EPHA6: variants seen among roughly 807,000 people sequenced by gnomAD.
EPHA6 encodes the protein ephrin type-A receptor 6.
Under a neutral mutation model 112.0 loss-of-function variants are expected in EPHA6, and 50 were observed. The observed-to-expected ratio is 0.45, with a 90% CI of 0.36 to 0.56. EPHA6 has a LOEUF of 0.56. EPHA6 is among the 20% of genes least tolerant of loss of function. The probability of loss-of-function intolerance (pLI) is 0.00; values close to 1 mark genes in which losing one functional copy is unlikely to be tolerated. For missense variants in EPHA6, 1,280 were observed against 1,417.4 expected, an observed-to-expected ratio of 0.90 and a Z score of 1.56; for synonymous variants, 529 against 490.7, an observed-to-expected ratio of 1.08 and a Z score of -1.03.
chr3:96,826,319 C>G (rs1429421005), intron 1 of EPHA6, among the ~76,000 whole-genome samples: 3 of 151,934 alleles, frequency 2.0e-5, no homozygotes, highest in African/African-American at 7.2e-5. Context: ...ATAGACTGTA[C>G]TACACACATA....
chr3:96,825,069 T>C (rs2033557522), intron 1 of EPHA6, among the ~76,000 whole-genome samples: 1 of 151,984 alleles, frequency 6.6e-6, no homozygotes, highest in African/African-American at 2.4e-5. Context: ...TTTATCAGGA[T>C]TTATCATCAT....
At chr3:97,348,791 G>A (rs1041234123) in intron 5 of EPHA6, among the ~76,000 whole-genome samples, 6 of 152,040 alleles carry the variant, frequency 3.9e-5, no homozygotes, top group African/African-American at 1.2e-4. Context: ...TGGGAGCATA[G>A]ACAATTGGGA....
At chr3:97,707,839 T>C (rs948096830) in intron 14 of EPHA6, among the ~76,000 whole-genome samples, 2 of 152,144 alleles carry the variant, frequency 1.3e-5, no homozygotes, top group Non-Finnish European at 2.9e-5. Flanking sequence ...TGTTTGGCAG[T>C]TCCTCTCTCT....
chr3:97,410,952 A>G (rs1346627666), intron 6 of EPHA6, among the ~76,000 whole-genome samples: 3 of 152,078 alleles, frequency 2.0e-5, no homozygotes, highest in Non-Finnish European at 2.9e-5. Flanking sequence ...TAGGTGTTAC[A>G]TGACATCAGA....
At chr3:97,646,360 GAC>G in intron 14 of EPHA6, 1 of 1,253,768 alleles carries the variant, frequency 8.0e-7, no homozygotes, top group Non-Finnish European at 1.1e-6. Flanking sequence ...TAATATATAA[GAC>G]AGTATTGTCC....
Position 97,754,014 on chromosome 3 carries a change from T to A in EPHA6, c.*5313T>A, listed in dbSNP as rs2035962112. Among the ~76,000 whole-genome samples the A allele has an allele frequency of 6.6e-6, 1 of 152,010 alleles. No homozygotes were observed. The highest frequency in any genetic ancestry group is 1.5e-5 in the Non-Finnish European group (1 of 67,998). On this transcript the variant is annotated 3_prime_UTR_variant, in exon 18 of 18. Coordinates refer to ENST00000389672, the MANE Select transcript of EPHA6 (RefSeq NM_001080448.3). ...AATGTAGTTTTAACAAATCATCTTTTTCTGAGTAATAAATTAGCTTCAAAT... is the reference window on the plus strand; with the variant it reads ...AATGTAGTTTTAACAAATCATCTTTATCTGAGTAATAAATTAGCTTCAAAT...
chr3:97,042,699 G>A (rs539017107), intron 3 of EPHA6, among the ~76,000 whole-genome samples: 1 of 152,126 alleles, frequency 6.6e-6, no homozygotes, highest in Non-Finnish European at 1.5e-5. Flanking sequence ...AGCAGGCAAG[G>A]TTACTCAGCA....
chr3:97,612,739 A>G (rs1269434669), intron 13 of EPHA6, among the ~76,000 whole-genome samples: 7 of 152,076 alleles, frequency 4.6e-5, no homozygotes, highest in Admixed American at 4.6e-4. Context: ...CTCATGGACT[A>G]TGTGACCTTG....
At chr3:96,915,377 G>A (rs187531622) in intron 2 of EPHA6, among the ~76,000 whole-genome samples, 50 of 152,170 alleles carry the variant, frequency 3.3e-4, no homozygotes, top group Admixed American at 2.9e-3. Flanking sequence ...TTGTTCCCTA[G>A]TGGGAATTAT....
chr3:97,440,313 G>A (rs2090070869), intron 6 of EPHA6, among the ~76,000 whole-genome samples: 1 of 151,752 alleles, frequency 6.6e-6, no homozygotes, highest in Non-Finnish European at 1.5e-5. Flanking sequence ...GAAATATATA[G>A]TCATATTAGA....
chr3:96,916,030 C>A (rs2039467952), intron 2 of EPHA6, among the ~76,000 whole-genome samples: 1 of 152,016 alleles, frequency 6.6e-6, no homozygotes, highest in Non-Finnish European at 1.5e-5. Context: ...TATATATCAT[C>A]CTTTAACTAA....
intron 2 of EPHA6, among the ~76,000 whole-genome samples, chr3:96,985,701 A>G (rs754518227): frequency 4.6e-5 from 7 of 152,214 alleles, no homozygotes; most frequent in Non-Finnish European, 1.0e-4. Flanking sequence ...AGAAATTTGC[A>G]GAAAATATTT....
intron 6 of EPHA6, among the ~76,000 whole-genome samples, chr3:97,411,038 G>T (rs754358965): frequency 6.6e-6 from 1 of 151,524 alleles, no homozygotes; most frequent in Non-Finnish European, 1.5e-5. Flanking sequence ...GTTTACAGTG[G>T]AATCAGCAAG....
intron 3 of EPHA6, among the ~76,000 whole-genome samples, chr3:97,162,441 T>G (rs2076436083): frequency 6.6e-6 from 1 of 152,170 alleles, no homozygotes; most frequent in African/African-American, 2.4e-5. Flanking sequence ...AGGGATCCAG[T>G]GGACCAACTA....
chr3:97,508,984 C>CATTTTTTTT (rs2092312577), intron 10 of EPHA6, among the ~76,000 whole-genome samples: 1 of 22,312 alleles, frequency 4.5e-5, no homozygotes, highest in African/African-American at 1.5e-4. Context: ...GCATCCCTGG[C>CATTTTTTTT]TTTTTTTTTT....
chr3:97,178,506 C>T (rs886754550), intron 3 of EPHA6, among the ~76,000 whole-genome samples: 3 of 152,006 alleles, frequency 2.0e-5, no homozygotes, highest in South Asian at 4.1e-4. Context: ...GATTGCAGTG[C>T]TCCCTTTAGC....
At chr3:97,031,269 T>G (rs2044827599) in intron 3 of EPHA6, among the ~76,000 whole-genome samples, 1 of 152,086 alleles carries the variant, frequency 6.6e-6, no homozygotes, top group Admixed American at 6.6e-5. Flanking sequence ...CTGGATCCAT[T>G]CCTTACACCG....
At chr3:97,348,484 G>GA (rs1553753051) in intron 5 of EPHA6, among the ~76,000 whole-genome samples, 1 of 148,906 alleles carries the variant, frequency 6.7e-6, no homozygotes, top group African/African-American at 2.4e-5. Flanking sequence ...AGATGGAGTA[G>GA]TTTTTTTTTT....
intron 3 of EPHA6, among the ~76,000 whole-genome samples, chr3:96,995,718 A>G (rs1015055568): frequency 1.3e-5 from 2 of 152,174 alleles, no homozygotes; most frequent in African/African-American, 4.8e-5. Context: ...ATAGCATTGT[A>G]TCTAAAAACA....
Sources: allele counts gnomAD v4.1 joint callset (sites outside exome capture counted in the v4.1 genomes callset), GRCh38; gene constraint gnomAD v4.1.1; transcripts MANE v1.5; gene names NCBI Gene and HGNC (gene_info 2026-07-23, HGNC 2026-07-21).